The following EBF2 variants were observed in gnomAD, a reference collection of about 807,000 sequenced individuals.
EBF2 encodes EBF transcription factor 2.
A neutral mutation model predicts 72.8 loss-of-function variants in EBF2; 21 were observed. The ratio of observed to expected loss-of-function variants is 0.29; its 90% CI spans 0.20 to 0.42. The LOEUF (loss-of-function observed/expected upper bound fraction) is 0.42, where lower values mean the gene tolerates loss of function less well. EBF2 is among the 10% of genes least tolerant of loss of function. EBF2 has a pLI of 1.00. For synonymous variants in EBF2, 299 were observed against 274.2 expected (o/e 1.09, Z -0.89); for missense variants, 637 against 731.2 (o/e 0.87, Z 1.49).
chr8:25,950,022 G>C lies in EBF2; in HGVS notation c.552-41467C>G, dbSNP rs117253365. ...GCCAAGGAGATCTGGGATTCTACTT[G>C]AGGAAGACAACACTGGCAGCGCTTG... On this transcript the variant is annotated intron_variant, in intron 6 of 15. Transcript: ENST00000520164. Among the ~76,000 whole-genome samples, 796 of 152,326 alleles carry C rather than the reference G, an allele frequency of 5.2e-3. 6 individuals carry two copies. The highest frequency in any genetic ancestry group is 8.1e-3 in the Non-Finnish European group (553 of 68,024).
intron 15 of EBF2, among the ~76,000 whole-genome samples, chr8:25,845,335 C>G (rs1801810722): frequency 6.8e-6 from 1 of 148,002 alleles, no homozygotes; most frequent in Non-Finnish European, 1.5e-5. Context: ...TCAAGTGATT[C>G]TCCTGCCTCA....
At chr8:25,868,595 C>G (rs1802375175) in intron 10 of EBF2, among the ~76,000 whole-genome samples, 1 of 152,154 alleles carries the variant, frequency 6.6e-6, no homozygotes, top group Non-Finnish European at 1.5e-5. Flanking sequence ...ATCCTCCTGC[C>G]TCAGCCTCCT....
Position 26,042,175 on chromosome 8 carries a change from C to A in EBF2, c.208G>T (p.Val70Phe). ...CCCTGCCTGTCATAGAGCGCCAGGA[C>A]GAAGTGAAAGAAGTTGGATTTCCTC... ...NLRKSNFFHF[V>F]LALYDRQGQP... Residue 70 changes from valine (V) to phenylalanine (F), a missense_variant, in exon 2 of 16, where the codon GTC becomes TTC. This residue lies in a region of EBF2 where 174 missense variants were observed against 161.9 expected (regional missense o/e 1.07). Coordinates refer to ENST00000520164, the MANE Select transcript of EBF2 (RefSeq NM_022659.4). 1.2e-6 allele frequency: 2 copies of A among 1,614,110 alleles called. No individual in the cohort carries two copies. The highest frequency in any genetic ancestry group is 1.7e-6 in the Non-Finnish European group (2 of 1,180,026).
rs552970465 is a variant in EBF2, at chr8:25,923,851, T to G, written c.552-15296A>C. Among the ~76,000 whole-genome samples, 12 of 152,308 alleles carry G rather than the reference T, an allele frequency of 7.9e-5. No individual in the cohort carries two copies. In the South Asian group the frequency reaches 2.5e-3, roughly 32 times the overall value. Reference sequence around the variant, plus strand: ...GTAGGCAAAGCTAGGCCAATTGACTTTGATCATTTTTTTAATGATAAAGCA... The same window carrying G: ...GTAGGCAAAGCTAGGCCAATTGACTGTGATCATTTTTTTAATGATAAAGCA... On this transcript the variant is annotated intron_variant, in intron 6 of 15. Transcript: ENST00000520164.
chr8:25,983,790 C>A (rs1804403093), intron 6 of EBF2, among the ~76,000 whole-genome samples: 1 of 152,202 alleles, frequency 6.6e-6, no homozygotes, highest in African/African-American at 2.4e-5. Context: ...CAGCTGACAC[C>A]CGAGTGCTGA....
In EBF2 at chr8:26,028,939, A is replaced by G. The variant is rs10094525; in HGVS notation, c.551+4146T>C. Among the ~76,000 whole-genome samples, 1,028 of 152,336 alleles carry G rather than the reference A, an allele frequency of 6.7e-3. 14 individuals carry two copies. Among genetic ancestry groups the G allele is most frequent in the African/African-American group, 0.024 (977 of 41,574 alleles). ...GTCCTGCTAGGCTGTGTTTTGGTCTAGGCTTTTGGAGAGGGGCATAGTTGC... is the reference window on the plus strand; with the variant it reads ...GTCCTGCTAGGCTGTGTTTTGGTCTGGGCTTTTGGAGAGGGGCATAGTTGC... On this transcript the variant is annotated intron_variant, in intron 6 of 15. Transcript: ENST00000520164.
intron 10 of EBF2, among the ~76,000 whole-genome samples, chr8:25,875,089 T>C (rs2117277291): frequency 6.6e-6 from 1 of 152,204 alleles, no homozygotes; most frequent in East Asian, 1.9e-4. Flanking sequence ...AAAACCTGAT[T>C]TCTAATCTAG....
intron 6 of EBF2, among the ~76,000 whole-genome samples, chr8:25,987,041 C>G (rs952524801): frequency 4.0e-5 from 5 of 124,392 alleles, no homozygotes; most frequent in Non-Finnish European, 7.7e-5. Context: ...AGATTTTACC[C>G]TGGAATTAAA....
intron 6 of EBF2, chr8:26,031,590 C>G (rs1288638478): frequency 6.6e-6 from 1 of 152,086 alleles, no homozygotes; most frequent in African/African-American, 2.4e-5. Context: ...CATGTGCCAC[C>G]ATGCCTGACT....
At chr8:25,963,214 G>A (rs951410347) in intron 6 of EBF2, among the ~76,000 whole-genome samples, 1 of 152,158 alleles carries the variant, frequency 6.6e-6, no homozygotes, top group Admixed American at 6.5e-5. Context: ...GGTCACCTTG[G>A]CTTAGCCAAG....
chr8:25,862,830 A>G, intron 10 of EBF2, 33 bp from the exon 11 acceptor site: 1 of 1,524,798 alleles, frequency 6.6e-7, no homozygotes. Context: ...CTGAGTTGGT[A>G]TCCTGGCTAT....
intron 6 of EBF2, among the ~76,000 whole-genome samples, chr8:26,005,561 T>TATATAGAGAG (rs375386709): frequency 9.4e-4 from 60 of 63,890 alleles, no homozygotes; most frequent in African/African-American, 3.7e-3. Flanking sequence ...TATATATATA[T>TATATAGAGAG]AGAGAGAGAG....
intron 11 of EBF2, among the ~76,000 whole-genome samples, chr8:25,862,282 CA>C (rs1484331456): frequency 1.3e-5 from 2 of 150,340 alleles, no homozygotes; most frequent in East Asian, 3.9e-4. Context: ...AAATTTTATA[CA>C]GAAGCATTTT....
At chr8:25,862,927 C>G (rs139994851) in intron 10 of EBF2, 130 bp from the exon 11 acceptor site, 2 of 431,656 alleles carry the variant, frequency 4.6e-6, no homozygotes, top group African/African-American at 4.1e-5. Flanking sequence ...TTTTTGCTAT[C>G]GACATTGGTT....
chr8:25,866,637 T>A (rs145446006), intron 10 of EBF2, among the ~76,000 whole-genome samples: 11,884 of 71,734 alleles, frequency 0.17, 465 homozygotes, highest in African/African-American at 0.22. Context: ...ATATATATAT[T>A]TTTTTTTTTT....
chr8:26,044,593 C>T lies in EBF2; in HGVS notation c.131+136G>A. The T allele has an allele frequency of 7.5e-7, 1 of 1,327,452 alleles. No individual in the cohort carries two copies. Among genetic ancestry groups the T allele is most frequent in the Non-Finnish European group, 1.0e-6 (1 of 973,830 alleles). 82.2% of individuals were successfully genotyped at this position (1,327,452 alleles called of 1,614,324 possible). ...GCGATCTGCTTGCCCGAGGGCGAGC[C>T]CCAGCGCGCAGGGCCTGGGCGACAG... On this transcript the variant is annotated intron_variant, in intron 1 of 15. Coordinates refer to ENST00000520164, the MANE Select transcript of EBF2 (RefSeq NM_022659.4). This position sits in a 1 kb window ranked among gnomAD's most constrained non-coding sequence, Gnocchi z 4.1.
chr8:25,879,449 A>G (rs947832688), intron 10 of EBF2, among the ~76,000 whole-genome samples: 30 of 152,222 alleles, frequency 2.0e-4, no homozygotes, highest in Non-Finnish European at 1.5e-5. Flanking sequence ...ATACATCTTC[A>G]GGTGTTCTCT....
intron 3 of EBF2, 59 bp from the exon 4 acceptor site, chr8:26,040,730 A>G: frequency 6.5e-7 from 1 of 1,539,448 alleles, no homozygotes; most frequent in South Asian, 1.2e-5. Flanking sequence ...GGCACCCCAA[A>G]CCCTTCTCTG....
At chr8:25,984,123 A>G (rs888036870) in intron 6 of EBF2, among the ~76,000 whole-genome samples, 2 of 152,230 alleles carry the variant, frequency 1.3e-5, no homozygotes, top group African/African-American at 4.8e-5. Flanking sequence ...ACTTGTGTGT[A>G]AACTAGAATC....
Sources: allele counts gnomAD v4.1 joint callset (sites outside exome capture counted in the v4.1 genomes callset), GRCh38; gene constraint gnomAD v4.1.1; regional missense constraint gnomAD v4.1.1; non-coding constraint Gnocchi (gnomAD v3.1); transcripts MANE v1.5; gene names NCBI Gene and HGNC (gene_info 2026-07-23, HGNC 2026-07-21).